TCP11L1: variants seen among roughly 807,000 people sequenced by gnomAD.
TCP11L1 encodes the protein t-complex 11 like 1.
Under a neutral mutation model 48.9 loss-of-function variants are expected in TCP11L1, and 28 were observed. The observed-to-expected ratio is 0.57, with a 90% CI of 0.42 to 0.78. The LOEUF is 0.78. TCP11L1 is among the 30% of genes least tolerant of loss of function. TCP11L1 has a pLI of 0.00. For missense variants in TCP11L1, 505 were observed against 613.4 expected, an observed-to-expected ratio of 0.82 and a Z score of 1.87; for synonymous variants, 204 against 231.9, an observed-to-expected ratio of 0.88 and a Z score of 1.09.
intron 7 of TCP11L1, among the ~76,000 whole-genome samples, chr11:33,064,151 T>TAGAAA (rs371006152): frequency 1.3e-5 from 2 of 151,602 alleles, no homozygotes; most frequent in African/African-American, 4.9e-5. Context: ...AAAAAATAAA[T>TAGAAA]AGAAAAGAAA....
intron 8 of TCP11L1, 37 bp downstream of exon 8, chr11:33,066,048 G>A (rs759288977): frequency 1.2e-6 from 2 of 1,607,724 alleles, no homozygotes; most frequent in South Asian, 2.2e-5. Flanking sequence ...GGACGCAGTG[G>A]ATGTCAGAGA....
chr11:33,070,272 C>A (rs1002980470), intron 9 of TCP11L1, among the ~76,000 whole-genome samples: 1 of 149,456 alleles, frequency 6.7e-6, no homozygotes, highest in African/African-American at 2.5e-5. Flanking sequence ...CAGAGCAAGA[C>A]CCTGTTTCTA....
intron 8 of TCP11L1, among the ~76,000 whole-genome samples, chr11:33,068,097 T>G (rs2133746459): frequency 6.6e-6 from 1 of 152,228 alleles, no homozygotes; most frequent in East Asian, 1.9e-4. Flanking sequence ...TTTTGTATTT[T>G]TAGTAGAGAT....
At chr11:33,050,796 T>C (rs1452457088) in intron 2 of TCP11L1, among the ~76,000 whole-genome samples, 1 of 151,158 alleles carries the variant, frequency 6.6e-6, no homozygotes, top group East Asian at 2.0e-4. Context: ...TAATCCAAGA[T>C]CGCAAAGATT....
rs778615802 is a variant in TCP11L1, at chr11:33,061,622, G to C, written c.868G>C (p.Ala290Pro). 1 of 1,612,912 alleles carries C rather than the reference G, an allele frequency of 6.2e-7. No homozygotes were observed. Among genetic ancestry groups the C allele is most frequent in the Admixed American group, 1.7e-5 (1 of 59,802 alleles). Residue 290 changes from alanine to proline, a missense_variant, in exon 7 of 10, where the codon GCT becomes CCT. This residue lies in a region of TCP11L1 where 335 missense variants were observed against 413.3 expected (regional missense o/e 0.81). Coordinates refer to ENST00000334274, the MANE Select transcript of TCP11L1 (RefSeq NM_018393.4). ...ACACGCCCTGCCAGTGGGGGGAATG[G>C]CTGCTGGCTCTGGGGACATGCCCAG... ...YKHALPVGGM[A>P]AGSGDMPRLS...
intron 2 of TCP11L1, among the ~76,000 whole-genome samples, chr11:33,051,944 T>C (rs1455855751): frequency 6.6e-6 from 1 of 152,230 alleles, no homozygotes; most frequent in Non-Finnish European, 1.5e-5. Context: ...TCGAGGTCTT[T>C]TGTGTTTCCC....
intron 2 of TCP11L1, among the ~76,000 whole-genome samples, chr11:33,048,920 G>A (rs1300732944): frequency 2.6e-5 from 4 of 152,044 alleles, no homozygotes; most frequent in Non-Finnish European, 4.4e-5. Context: ...GCATAGTAAC[G>A]GTGCCTATTA....
Position 33,061,624 on chromosome 11 carries a change from T to C in TCP11L1, c.870T>C (p.Ala290=). The C allele has an allele frequency of 6.2e-7, 1 of 1,613,098 alleles. No individual in the cohort carries two copies. Among genetic ancestry groups the C allele is most frequent in the Non-Finnish European group, 8.5e-7 (1 of 1,179,590 alleles). The change falls in exon 7 of 10, where the codon GCT becomes GCC. Residue 290 remains alanine (A), a synonymous_variant. Transcript: ENST00000334274. ...YKHALPVGGM[A]AGSGDMPRLS... The stretch of plus-strand genomic sequence containing the variant: ...ACGCCCTGCCAGTGGGGGGAATGGC[T>C]GCTGGCTCTGGGGACATGCCCAGGC...
chr11:33,048,105 C>T (rs1482089655), intron 2 of TCP11L1, among the ~76,000 whole-genome samples: 1 of 152,034 alleles, frequency 6.6e-6, no homozygotes, highest in Non-Finnish European at 1.5e-5. Context: ...AATGCTGTAA[C>T]AAAATAACAA....
chr11:33,045,762 C>T (rs149100374), intron 2 of TCP11L1, among the ~76,000 whole-genome samples: 243 of 152,150 alleles, frequency 1.6e-3, no homozygotes, highest in African/African-American at 5.8e-3. Context: ...AAAGTGGGTC[C>T]GGGGGCCAAT....
At position 33,068,790 on chromosome 11, in the gene TCP11L1, A is replaced by G. The variant is rs1240770194; in HGVS notation, c.1258A>G (p.Lys420Glu). 1 of 1,614,134 alleles carries G rather than the reference A, an allele frequency of 6.2e-7. No individual in the cohort carries two copies. Among genetic ancestry groups the G allele is most frequent in the Non-Finnish European group, 8.5e-7 (1 of 1,180,024 alleles). The change falls in exon 9 of 10, where the codon AAG (lysine) becomes GAG (glutamate). Residue 420 changes from lysine (K) to glutamate (E), a missense_variant. Coordinates refer to ENST00000334274, the MANE Select transcript of TCP11L1 (RefSeq NM_018393.4). ...TGGGTCCTCTCCCTTCACCACGGAC[A>G]AGGAGACCGTGCTCAAGGGCCAGAT... ...LCGSSPFTTD[K>E]ETVLKGQIQA...
chr11:33,065,532 G>A (rs914197537), intron 7 of TCP11L1, among the ~76,000 whole-genome samples: 7 of 152,214 alleles, frequency 4.6e-5, no homozygotes, highest in Non-Finnish European at 1.0e-4. Context: ...CAAAGCGCTG[G>A]GATTACAGGC....
chr11:33,066,157 C>A, intron 8 of TCP11L1, 146 bp downstream of exon 8: 1 of 1,045,732 alleles, frequency 9.6e-7, no homozygotes, highest in Non-Finnish European at 1.4e-6. Flanking sequence ...AGTTGGTTCA[C>A]TTGGCGAAGA....
chr11:33,061,353 C>T (rs1240363011), intron 6 of TCP11L1, among the ~76,000 whole-genome samples, 177 bp from the exon 7 acceptor site: 1 of 152,172 alleles, frequency 6.6e-6, no homozygotes, highest in Non-Finnish European at 1.5e-5. Flanking sequence ...TTATGACTTG[C>T]CTGAGATCCC....
At chr11:33,043,409 T>C (rs1311839638) in intron 1 of TCP11L1, among the ~76,000 whole-genome samples, 1 of 152,212 alleles carries the variant, frequency 6.6e-6, no homozygotes, top group African/African-American at 2.4e-5. Flanking sequence ...TAAGATTGAA[T>C]CACTGATTAA....
rs187732111 is a variant in TCP11L1, at chr11:33,043,849, G to A, written c.76G>A (p.Glu26Lys). Residue 26 changes from glutamate to lysine, a missense_variant, in exon 2 of 10, where the codon GAA becomes AAA. Glu to Lys is a moderately conservative substitution (Grantham distance 56). Transcript: ENST00000334274. ...ATCCAATGATTCTGAGGAAGGCCTCGAAGATGCTGTGGAAGGTGCTGATGA... is the reference window on the plus strand; with the variant it reads ...ATCCAATGATTCTGAGGAAGGCCTCAAAGATGCTGTGGAAGGTGCTGATGA... ...SKSNDSEEGL[E>K]DAVEGADEAL... is the part of the protein sequence containing the mutation. 2.0e-4 allele frequency: 316 copies of A among 1,613,984 alleles called. 1 individual carries two copies. The highest frequency in any genetic ancestry group is 1.6e-3 in the Middle Eastern group (10 of 6,062).
chr11:33,071,427 A>C (rs1277129101), intron 9 of TCP11L1, among the ~76,000 whole-genome samples: 7 of 152,232 alleles, frequency 4.6e-5, no homozygotes, highest in South Asian at 4.1e-4. Flanking sequence ...CCCAGGCAGG[A>C]GGCAAGGCAT....
At chr11:33,062,062 C>T (rs1168545930) in intron 7 of TCP11L1, among the ~76,000 whole-genome samples, 10 of 151,958 alleles carry the variant, frequency 6.6e-5, no homozygotes, top group Non-Finnish European at 1.5e-4. Context: ...GCCTGGGCGA[C>T]AGAGCGAGAC....
intron 3 of TCP11L1, chr11:33,056,723 C>T (rs767904055): frequency 8.2e-6 from 2 of 243,336 alleles, no homozygotes; most frequent in South Asian, 8.4e-5. Flanking sequence ...GGATTACAGG[C>T]GTAAGTCACA....
Sources: gnomAD v4.1 joint callset for allele counts (sites outside exome capture counted in the v4.1 genomes callset) on GRCh38, gnomAD v4.1.1 for gene constraint, gnomAD v4.1.1 regional missense constraint, MANE v1.5 for transcripts, NCBI Gene and HGNC (gene_info 2026-07-23, HGNC 2026-07-21) for gene names.